Variants in LYST observed in about 807,000 individuals in gnomAD.
The protein encoded by LYST is lysosomal-trafficking regulator.
Under a neutral mutation model 413.6 loss-of-function variants are expected in LYST, and 192 were observed. That is an observed-to-expected ratio of 0.46 (90% CI 0.41 to 0.52). The LOEUF (loss-of-function observed/expected upper bound fraction) is 0.52. Ranked by LOEUF, LYST falls within the 20% of genes least tolerant of loss-of-function variation. LYST has a pLI of 0.00. For missense variants in LYST, 3,815 were observed against 4,499.9 expected, an observed-to-expected ratio of 0.85 and a Z score of 4.35; for synonymous variants, 1,525 against 1,567.3, an observed-to-expected ratio of 0.97 and a Z score of 0.64.
intron 21 of LYST, 46 bp from the exon 22 acceptor site, chr1:235,762,897 T>A (rs1365805150): frequency 2.7e-6 from 4 of 1,455,480 alleles, no homozygotes; most frequent in Non-Finnish European, 3.9e-6. Flanking sequence ...TTAAAAAGGA[T>A]AAAACGAAAA....
chr1:235,784,026 C>T (rs768059517), intron 14 of LYST, among the ~76,000 whole-genome samples: 4 of 152,072 alleles, frequency 2.6e-5, no homozygotes, highest in South Asian at 2.1e-4. Flanking sequence ...ACTACAGCTA[C>T]GCATTACCAT....
At chr1:235,798,298 T>A (rs1671776667) in intron 10 of LYST, among the ~76,000 whole-genome samples, 1 of 152,052 alleles carries the variant, frequency 6.6e-6, no homozygotes, top group Admixed American at 6.6e-5. Flanking sequence ...AATTATGGAC[T>A]TCAGTTAATA....
At chr1:235,718,146 G>A (rs1376487462) in intron 40 of LYST, among the ~76,000 whole-genome samples, 2 of 151,444 alleles carry the variant, frequency 1.3e-5, no homozygotes, top group African/African-American at 4.9e-5. Flanking sequence ...TTACAGGCGT[G>A]AGCCACCACG....
intron 3 of LYST, among the ~76,000 whole-genome samples, chr1:235,817,030 G>C (rs907289366): frequency 1.8e-4 from 28 of 151,974 alleles, no homozygotes; most frequent in African/African-American, 6.5e-4. Flanking sequence ...ATAAGTAAAA[G>C]ACAAATGGCC....
chr1:235,810,817 A>C (rs150221594), intron 4 of LYST, among the ~76,000 whole-genome samples: 1 of 152,222 alleles, frequency 6.6e-6, no homozygotes, highest in Admixed American at 6.5e-5. Flanking sequence ...ACTAGCTGAC[A>C]TTACTTCAAA....
chr1:235,674,582 C>T lies in LYST; in HGVS notation c.11038+2509G>A, dbSNP rs926971011. ...GCAAAAATGTAGACTGGATAAATTA[C>T]GTTTATTATAATCAACAGTGGTTTG... On this transcript the variant is annotated intron_variant, in intron 50 of 52. Coordinates refer to ENST00000389793, the MANE Select transcript of LYST (RefSeq NM_000081.4). This position sits in a 1 kb window ranked among gnomAD's most constrained non-coding sequence, Gnocchi z 4.1. Among the ~76,000 whole-genome samples the T allele has an allele frequency of 4.6e-5, 7 of 152,108 alleles. No individual in the cohort carries two copies. Among genetic ancestry groups the T allele is most frequent in the African/African-American group, 9.7e-5 (4 of 41,412 alleles).
At chr1:235,669,395 A>C (rs570789648) in intron 50 of LYST, among the ~76,000 whole-genome samples, 17 of 152,376 alleles carry the variant, frequency 1.1e-4, no homozygotes, top group African/African-American at 4.1e-4. Flanking sequence ...AAAGGACCAG[A>C]GGCTACTCCC....
chr1:235,693,155 A>G (rs1432285199), intron 47 of LYST, among the ~76,000 whole-genome samples, 195 bp downstream of exon 47: 1 of 151,806 alleles, frequency 6.6e-6, no homozygotes, highest in Non-Finnish European at 1.5e-5. Flanking sequence ...CTCTACTAAA[A>G]GAATACAAAA....
chr1:235,824,535 G>A (rs1261320007), intron 3 of LYST, among the ~76,000 whole-genome samples: 1 of 152,098 alleles, frequency 6.6e-6, no homozygotes, highest in African/African-American at 2.4e-5. Context: ...AGTTGATACG[G>A]GTGCCAAGAT....
rs2103351072 is a variant in LYST at position 235,759,021 on chromosome 1, A to C, written c.6832T>G (p.Tyr2278Asp). 6.2e-7 allele frequency: 1 copy of C among 1,614,118 alleles called. No homozygotes were observed. Among genetic ancestry groups the C allele is most frequent in the Middle Eastern group, 1.7e-4 (1 of 6,060 alleles). Reference protein sequence around the residue: ...RNTDDWENFAYSLGYEPNYNR... With the variant: ...RNTDDWENFADSLGYEPNYNR... ...TAATTTGGCTCATAACCAAGAGAAT[A>C]GGCAAAGTTTTCCCAATCATCAGTG... The change falls in exon 23 of 53, where the codon TAT (tyrosine) becomes GAT (aspartate). Residue 2278 changes from tyrosine to aspartate, a missense_variant. Coordinates refer to ENST00000389793, the MANE Select transcript of LYST (RefSeq NM_000081.4).
At chr1:235,865,881 G>T (rs1318472694) in intron 1 of LYST, among the ~76,000 whole-genome samples, 1 of 152,138 alleles carries the variant, frequency 6.6e-6, no homozygotes, top group African/African-American at 2.4e-5. Flanking sequence ...TGATCTTCAA[G>T]GAAACACTGG....
At position 235,787,326 on chromosome 1, in the gene LYST, T is replaced by A. The variant is rs1369789684; in HGVS notation, c.4736A>T (p.Gln1579Leu). The A allele has an allele frequency of 6.2e-7, 1 of 1,613,824 alleles. No homozygotes were observed. Among genetic ancestry groups the A allele is most frequent in the African/African-American group, 1.3e-5 (1 of 75,040 alleles). ...NDDMKAVLLA[Q>L]VESQENIFLP... ...GAAAATATTCTCCTGTGATTCAACCTGTGCTAGTAAAACAGCTTTCATGTC... is the reference window on the plus strand; with the variant it reads ...GAAAATATTCTCCTGTGATTCAACCAGTGCTAGTAAAACAGCTTTCATGTC... Residue 1579 changes from glutamine (Q) to leucine (L), a missense_variant, in exon 14 of 53, where the codon CAG becomes CTG. Gln to Leu is a moderately radical substitution (Grantham distance 113). Coordinates refer to ENST00000389793, the MANE Select transcript of LYST (RefSeq NM_000081.4).
chr1:235,665,138 C>T (rs368811484), intron 50 of LYST, among the ~76,000 whole-genome samples: 29 of 150,858 alleles, frequency 1.9e-4, no homozygotes, highest in African/African-American at 6.3e-4. Flanking sequence ...CAATAACCAG[C>T]GAAAAAATAA....
chr1:235,813,625 C>A (rs1416311583), intron 3 of LYST, among the ~76,000 whole-genome samples: 2 of 152,116 alleles, frequency 1.3e-5, no homozygotes, highest in Admixed American at 6.5e-5. Context: ...ATGGTCCAAG[C>A]CCTGGAGAAG....
chr1:235,747,411 A>G lies in LYST; in HGVS notation c.7781-884T>C, dbSNP rs1459095585. On this transcript the variant is annotated intron_variant, in intron 28 of 52. Transcript: ENST00000389793. The stretch of plus-strand genomic sequence containing the variant: ...AATTACTTACATATGACTAAATTAT[A>G]ACAGGTTTTAAAGACTTATCCTGTA... 37 of 254,812 alleles carry G rather than the reference A, an allele frequency of 1.5e-4. 1 individual carries two copies. Among genetic ancestry groups the G allele is most frequent in the South Asian group, 1.4e-3 (36 of 26,222 alleles). 15.8% of individuals were successfully genotyped at this position (254,812 alleles called of 1,614,324 possible).
chr1:235,705,406 G>A (rs1661897726), intron 44 of LYST, among the ~76,000 whole-genome samples: 1 of 151,976 alleles, frequency 6.6e-6, no homozygotes, highest in African/African-American at 2.4e-5. Context: ...AAAAAATTGA[G>A]ACAGGGTCTT....
chr1:235,694,773 T>C (rs1230966293), intron 46 of LYST, among the ~76,000 whole-genome samples: 1 of 152,096 alleles, frequency 6.6e-6, no homozygotes, highest in Non-Finnish European at 1.5e-5. Context: ...CCATGATGCC[T>C]GGCATGCAGC....
chr1:235,824,077 AT>A (rs2102967773), intron 3 of LYST, among the ~76,000 whole-genome samples: 1 of 152,362 alleles, frequency 6.6e-6, no homozygotes, highest in Admixed American at 6.5e-5. Context: ...AGTACTATAC[AT>A]TGAAGTGATA....
At chr1:235,771,073 G>A (rs1236624447) in intron 19 of LYST, among the ~76,000 whole-genome samples, 2 of 152,234 alleles carry the variant, frequency 1.3e-5, no homozygotes, top group South Asian at 2.1e-4. Flanking sequence ...TGGCAATAAT[G>A]AACCAAGATA....
Sources: gnomAD v4.1 joint callset for allele counts (sites outside exome capture counted in the v4.1 genomes callset) on GRCh38, gnomAD v4.1.1 for gene constraint, Gnocchi (gnomAD v3.1) non-coding constraint, MANE v1.5 for transcripts, NCBI Gene and HGNC (gene_info 2026-07-23, HGNC 2026-07-21) for gene names.